Variants in PAK1IP1 observed in about 807,000 individuals in gnomAD.
PAK1IP1 encodes p21-activated protein kinase-interacting protein 1.
In PAK1IP1, 24 loss-of-function variants were observed where a neutral mutation model predicts 42.0. The observed-to-expected ratio is 0.57, with a 90% CI of 0.41 to 0.80. The LOEUF is 0.80. Ranked by LOEUF, PAK1IP1 falls within the 30% of genes least tolerant of loss-of-function variation. The pLI, the probability that PAK1IP1 is intolerant of heterozygous loss-of-function variation, is 0.00. For missense variants in PAK1IP1, 411 were observed against 467.9 expected (o/e 0.88, Z 1.12); for synonymous variants, 154 against 156.7 (o/e 0.98, Z 0.13).
At position 10,697,158 on chromosome 6, in the gene PAK1IP1, T is replaced by C. The variant is rs1272531011; in HGVS notation, c.85-166T>C. ...ACATGTCATTTTGTAGTTTAACATATCATTTTTCCATTTATAGGATCCATT... is the reference window on the plus strand; with the variant it reads ...ACATGTCATTTTGTAGTTTAACATACCATTTTTCCATTTATAGGATCCATT... On this transcript the variant is annotated intron_variant, in intron 1 of 9. Transcript: ENST00000379568. 2.6e-5 allele frequency among the ~76,000 whole-genome samples: 4 copies of C among 152,182 alleles called. No homozygotes were observed. The East Asian group carries it at 5.8e-4, about 22-fold the overall frequency.
rs751062874 is a variant in PAK1IP1, at chr6:10,702,357, G to T, written c.248-12G>T. 7.4e-6 allele frequency: 12 copies of T among 1,611,282 alleles called. No homozygotes were observed. Among genetic ancestry groups the T allele is most frequent in the East Asian group, 2.2e-5 (1 of 44,852 alleles). On this transcript the variant is annotated splice_polypyrimidine_tract_variant and intron_variant, in intron 2 of 9. Transcript: ENST00000379568. ...ATGAATATTATTTTTGCCTATTTTG[G>T]TTTTTCCATAGGTACAATAACTTGC...
upstream of PAK1IP1, chr6:10,694,700 C>T (rs1024522401): frequency 2.6e-5 from 9 of 342,836 alleles, no homozygotes; most frequent in African/African-American, 1.7e-4. Context: ...GCGTAGCTGG[C>T]ACCTTCCTGA....
chr6:10,703,403 AGAACGTG>A lies in PAK1IP1; in HGVS notation c.446_452del (p.Thr149IlefsTer3). On this transcript the variant is annotated splice_acceptor_variant and coding_sequence_variant, in exon 5 of 10. Transcript: ENST00000379568. LOFTEE classifies it high-confidence loss of function. Reference sequence around the variant, plus strand: ...ACCGTAAGTGAGCTTCCTGTTTTGCAGAACGTGGAATCTTGTAGAAGGAAGATCAGCA... The same window carrying A: ...ACCGTAAGTGAGCTTCCTGTTTTGCAGAATCTTGTAGAAGGAAGATCAGCA... 6.2e-7 allele frequency: 1 copy of A among 1,610,144 alleles called. No individual in the cohort carries two copies. Among genetic ancestry groups the A allele is most frequent in the Non-Finnish European group, 8.5e-7 (1 of 1,177,292 alleles).
Position 10,704,416 on chromosome 6 carries a change from T to C in PAK1IP1, c.497-91T>C, listed in dbSNP as rs544240772. ...TGAAATAGGATAATGAATTTGAAAA[T>C]GCACAGTATAAATATTTGCTATTTT... On this transcript the variant is annotated intron_variant, in intron 5 of 9. Transcript: ENST00000379568. The C allele has an allele frequency of 9.9e-6, 7 of 706,332 alleles. No homozygotes were observed. The South Asian group carries it at 1.0e-4, about 11-fold the overall frequency. The allele number at this position is 706,332 out of a possible 1,614,324, so 43.8% of individuals were successfully genotyped here.
At chr6:10,699,036 G>A (rs767895254) in intron 2 of PAK1IP1, among the ~76,000 whole-genome samples, 76 of 151,828 alleles carry the variant, frequency 5.0e-4, no homozygotes, top group Non-Finnish European at 8.8e-4. Context: ...CCGTCTCTAC[G>A]AAAAATACAT....
In PAK1IP1 at chr6:10,709,000, G is replaced by C. The variant is rs776441181; in HGVS notation, c.888G>C (p.Leu296=). ...LLCEINTNAR[L]TCLGVWLDKV... Reference sequence around the variant, plus strand: ...GTGAAATAAACACTAATGCCAGGCTGACGTGTCTTGGAGTGTGGCTAGACA... The same window carrying C: ...GTGAAATAAACACTAATGCCAGGCTCACGTGTCTTGGAGTGTGGCTAGACA... The change falls in exon 9 of 10, where the codon CTG becomes CTC. Residue 296 remains leucine, a synonymous_variant. Transcript: ENST00000379568. 8.1e-6 allele frequency: 13 copies of C among 1,612,008 alleles called. No homozygotes were observed. The East Asian group carries it at 2.7e-4, about 33-fold the overall frequency.
At chr6:10,705,398 G>A (rs1159272072) in intron 7 of PAK1IP1, among the ~76,000 whole-genome samples, 2 of 152,166 alleles carry the variant, frequency 1.3e-5, no homozygotes, top group East Asian at 1.9e-4. Context: ...TTAAATGTCT[G>A]TTAGACTTGG....
chr6:10,700,713 T>A (rs371374023), intron 2 of PAK1IP1, among the ~76,000 whole-genome samples: 113 of 152,340 alleles, frequency 7.4e-4, no homozygotes, highest in African/African-American at 2.5e-3. Flanking sequence ...TGTTCAACAA[T>A]AAGAAAAGGA....
rs757088413 is a variant in PAK1IP1, at chr6:10,694,998, G to T, written c.13G>T (p.Ala5Ser). 1 of 1,600,442 alleles carries T rather than the reference G, an allele frequency of 6.2e-7. No homozygotes were observed. Among genetic ancestry groups the T allele is most frequent in the South Asian group, 1.1e-5 (1 of 91,030 alleles). ...CGTGCGCTGCTGAATGGAGCTGGTC[G>T]CTGGTTGCTACGAGCAGGTCCTCTT... is the stretch of plus-strand genomic sequence containing the variant. MELVAGCYEQVLFGF... is the reference protein window; with the variant it reads MELVSGCYEQVLFGF... Residue 5 changes from alanine to serine, a missense_variant, in exon 1 of 10, where the codon GCT (alanine) becomes TCT (serine). Ala to Ser is a moderately conservative substitution (Grantham distance 99). Transcript: ENST00000379568.
chr6:10,708,420 A>T (rs1770269590), intron 8 of PAK1IP1, among the ~76,000 whole-genome samples: 1 of 152,014 alleles, frequency 6.6e-6, no homozygotes, highest in South Asian at 2.1e-4. Flanking sequence ...ACCACTTTTT[A>T]TGTATCCATT....
intron 2 of PAK1IP1, among the ~76,000 whole-genome samples, chr6:10,698,149 G>A (rs937851796): frequency 5.9e-5 from 9 of 152,186 alleles, no homozygotes; most frequent in Non-Finnish European, 1.3e-4. Flanking sequence ...TTTATTGAGG[G>A]CATATTATGT....
At position 10,699,980 on chromosome 6, in the gene PAK1IP1, C is replaced by A. The variant is rs555975877; in HGVS notation, c.248-2389C>A. Among the ~76,000 whole-genome samples, 30 of 152,128 alleles carry A rather than the reference C, an allele frequency of 2.0e-4. No individual in the cohort carries two copies. In the South Asian group the frequency reaches 6.0e-3, roughly 31 times the overall value. On this transcript the variant is annotated intron_variant, in intron 2 of 9. Transcript: ENST00000379568. ...CTCATGGTAGAAGGGCAAAGCAGAT[C>A]CCTGCACAATTCTGTAAGGTCAAGC...
At chr6:10,700,091 C>G (rs1187346105) in intron 2 of PAK1IP1, among the ~76,000 whole-genome samples, 1 of 152,066 alleles carries the variant, frequency 6.6e-6, no homozygotes, top group Non-Finnish European at 1.5e-5. Flanking sequence ...GGGCTTCTCG[C>G]TCTGTCACCC....
intron 7 of PAK1IP1, among the ~76,000 whole-genome samples, chr6:10,705,932 C>T (rs374319114): frequency 4.9e-4 from 75 of 152,216 alleles, no homozygotes; most frequent in African/African-American, 1.5e-3. Context: ...TTTTCAAAGT[C>T]GCCCATTCCA....
chr6:10,698,298 A>G (rs963386668), intron 2 of PAK1IP1, among the ~76,000 whole-genome samples: 1 of 152,134 alleles, frequency 6.6e-6, no homozygotes, highest in Non-Finnish European at 1.5e-5. Context: ...CTAGTTTCAA[A>G]GATGTAGCGT....
upstream of PAK1IP1, among the ~76,000 whole-genome samples, chr6:10,692,570 A>G (rs1342428836): frequency 2.3e-4 from 35 of 152,052 alleles, no homozygotes; most frequent in Non-Finnish European, 1.2e-4. Flanking sequence ...CCTCCCGAGT[A>G]GCTGGGACTA....
At chr6:10,692,920 T>C (rs1230634489), upstream of PAK1IP1, among the ~76,000 whole-genome samples, 1 of 152,222 alleles carries the variant, frequency 6.6e-6, no homozygotes, top group African/African-American at 2.4e-5. Context: ...AGTGTTTACA[T>C]TTGGCGTGGA....
chr6:10,704,574 C>T lies in PAK1IP1; in HGVS notation c.564C>T (p.Asp188=). 6.3e-7 allele frequency: 1 copy of T among 1,597,206 alleles called. No homozygotes were observed. The highest frequency in any genetic ancestry group is 1.3e-5 in the African/African-American group (1 of 74,708). Residue 188 remains aspartate, a synonymous_variant, in exon 6 of 10, where the codon GAC becomes GAT. Transcript: ENST00000379568. ...QYVVIIQNKI[D]IYQLDTASIS... is the part of the protein sequence containing the mutation. ...TAGTTATCATACAGAATAAAATAGA[C>T]ATCTATCAGCTTGACACTGCATCCA...
At position 10,709,148 on chromosome 6, in the gene PAK1IP1, C is replaced by T. The variant is rs541527912; in HGVS notation, c.964+72C>T. 8 of 1,507,116 alleles carry T rather than the reference C, an allele frequency of 5.3e-6. No homozygotes were observed. The East Asian group carries it at 1.1e-4, about 22-fold the overall frequency. 93.4% of individuals were successfully genotyped at this position (1,507,116 alleles called of 1,614,324 possible). A position where few individuals can be genotyped will look rare whatever the true frequency, so the allele number is the denominator to read the frequency against. On this transcript the variant is annotated intron_variant, in intron 9 of 9. Transcript: ENST00000379568. ...TTAAATTGTAGAAGTGGAGGAGATCCAGATAATTTCACTTTATTGACAGCT... is the reference window on the plus strand; with the variant it reads ...TTAAATTGTAGAAGTGGAGGAGATCTAGATAATTTCACTTTATTGACAGCT...
Sources: gnomAD v4.1 joint callset for allele counts (sites outside exome capture counted in the v4.1 genomes callset) on GRCh38, gnomAD v4.1.1 for gene constraint, MANE v1.5 for transcripts, NCBI Gene and HGNC (gene_info 2026-07-23, HGNC 2026-07-21) for gene names.